CAMK1D: variants seen among roughly 807,000 people sequenced by gnomAD.
CAMK1D encodes calcium/calmodulin-dependent protein kinase type 1D.
A neutral mutation model predicts 47.7 loss-of-function variants in CAMK1D; 9 were observed. The observed-to-expected ratio is 0.19, with a 90% CI of 0.11 to 0.33. The LOEUF (loss-of-function observed/expected upper bound fraction) is 0.33. CAMK1D is among the 10% of genes least tolerant of loss of function. CAMK1D has a pLI of 1.00. For synonymous variants in CAMK1D, 184 were observed against 184.9 expected (o/e 0.99, Z 0.04); for missense variants, 291 against 488.7 (o/e 0.60, Z 3.81).
chr10:12,685,047 C>T (rs574956490), intron 3 of CAMK1D, among the ~76,000 whole-genome samples: 102 of 150,124 alleles, frequency 6.8e-4, no homozygotes, highest in African/African-American at 2.2e-3. Context: ...CGGTGGCTCA[C>T]GCCAACACTT....
At chr10:12,382,956 A>G (rs1482301954) in intron 1 of CAMK1D, among the ~76,000 whole-genome samples, 1 of 143,446 alleles carries the variant, frequency 7.0e-6, no homozygotes. Flanking sequence ...TTTTTTTTGT[A>G]GTTGGCACAT....
intron 1 of CAMK1D, among the ~76,000 whole-genome samples, chr10:12,409,417 G>C (rs965624994): frequency 2.0e-5 from 3 of 152,164 alleles, no homozygotes; most frequent in Non-Finnish European, 2.9e-5. Flanking sequence ...TTCTAGACAG[G>C]GTGGTCAGGA....
intron 2 of CAMK1D, among the ~76,000 whole-genome samples, chr10:12,555,510 T>C (rs1836732424): frequency 6.6e-6 from 1 of 152,224 alleles, no homozygotes; most frequent in African/African-American, 2.4e-5. Context: ...CAGGAAATGA[T>C]TGTATGGAAG....
intron 1 of CAMK1D, among the ~76,000 whole-genome samples, chr10:12,411,681 C>A (rs1205219170): frequency 2.0e-5 from 3 of 150,646 alleles, no homozygotes; most frequent in African/African-American, 7.4e-5. Flanking sequence ...TCACTGCAAC[C>A]TTCACCTTCT....
chr10:12,388,512 G>T (rs2131885832), intron 1 of CAMK1D, among the ~76,000 whole-genome samples: 1 of 152,296 alleles, frequency 6.6e-6, no homozygotes, highest in South Asian at 2.1e-4. Context: ...ACGCTGGTGT[G>T]CCTTCTTGGC....
intron 2 of CAMK1D, among the ~76,000 whole-genome samples, chr10:12,564,123 C>T (rs923408964): frequency 1.3e-5 from 1 of 78,428 alleles, no homozygotes; most frequent in Non-Finnish European, 2.7e-5. Context: ...CTAGATGTCT[C>T]TCTCTCTCTC....
chr10:12,587,428 G>A (rs1284830195), intron 2 of CAMK1D, among the ~76,000 whole-genome samples: 1 of 152,076 alleles, frequency 6.6e-6, no homozygotes, highest in Non-Finnish European at 1.5e-5. Context: ...TGGATCCACA[G>A]TGACTTAGCA....
At chr10:12,512,394 TTTATTA>T (rs1835065844) in intron 1 of CAMK1D, among the ~76,000 whole-genome samples, 1 of 152,050 alleles carries the variant, frequency 6.6e-6, no homozygotes, top group African/African-American at 2.4e-5. Flanking sequence ...TGCTTTACTG[TTTATTA>T]TTATTATTTT....
chr10:12,420,966 T>C (rs1272819045), intron 1 of CAMK1D, among the ~76,000 whole-genome samples: 1 of 152,088 alleles, frequency 6.6e-6, no homozygotes, highest in Non-Finnish European at 1.5e-5. Context: ...GAGAGACAGG[T>C]GTATTGCTTT....
intron 3 of CAMK1D, among the ~76,000 whole-genome samples, chr10:12,718,661 T>C (rs1245252840): frequency 2.0e-5 from 3 of 152,238 alleles, no homozygotes; most frequent in Non-Finnish European, 4.4e-5. Context: ...TTTTTGTTTC[T>C]TCGTTTAATG....
rs145219379 is a variant in CAMK1D at position 12,668,145 on chromosome 10, A to C, written c.299+1335A>C. On this transcript the variant is annotated intron_variant, in intron 3 of 10. Coordinates refer to ENST00000619168, the MANE Select transcript of CAMK1D (RefSeq NM_153498.4). ...CGTATTTCTGGTTTTTCCTAGAGAG[A>C]GCTAGTTCTCCCCAAATTTGGGAGC... 5.5e-3 allele frequency among the ~76,000 whole-genome samples: 833 copies of C among 152,174 alleles called. 7 individuals carry two copies. Among genetic ancestry groups the C allele is most frequent in the Middle Eastern group, 0.034 (10 of 294 alleles).
chr10:12,602,917 T>TTATTATTATTATTATTAC (rs1170588165), intron 2 of CAMK1D, among the ~76,000 whole-genome samples: 1 of 148,404 alleles, frequency 6.7e-6, no homozygotes, highest in Non-Finnish European at 1.5e-5. Context: ...ATTATTATTA[T>TTATTATTATTATTATTAC]TATTATTTTG....
At chr10:12,815,093 C>T (rs1287736079) in intron 7 of CAMK1D, among the ~76,000 whole-genome samples, 6 of 152,302 alleles carry the variant, frequency 3.9e-5, no homozygotes, top group Admixed American at 6.5e-5. Context: ...ACGAGGAAAC[C>T]GAGGCCCCAG....
chr10:12,831,753 G>C lies in CAMK1D; in HGVS notation c.*2866G>C. On this transcript the variant is annotated 3_prime_UTR_variant, in exon 11 of 11. Transcript: ENST00000619168. ...GCCTGTACTGTCCTGATCCCACCAG[G>C]CTTGGGTTAATTTCCTATTGCTTCA... The C allele has an allele frequency of 6.6e-6, 1 of 152,242 alleles. No homozygotes were observed. The highest frequency in any genetic ancestry group is 1.9e-4 in the East Asian group (1 of 5,208). 9.4% of individuals were successfully genotyped at this position (152,242 alleles called of 1,614,324 possible).
chr10:12,471,984 A>G (rs750360543), intron 1 of CAMK1D, among the ~76,000 whole-genome samples: 3 of 150,732 alleles, frequency 2.0e-5, no homozygotes, highest in Admixed American at 1.3e-4. Context: ...GCATTCAGCT[A>G]TGATTGCACC....
intron 1 of CAMK1D, among the ~76,000 whole-genome samples, chr10:12,543,429 A>G (rs1310981395): frequency 1.3e-5 from 2 of 152,172 alleles, no homozygotes; most frequent in Admixed American, 1.3e-4. Flanking sequence ...TGGGATAGAA[A>G]CAGATTCTCA....
At chr10:12,551,319 A>G (rs1476389372) in intron 1 of CAMK1D, among the ~76,000 whole-genome samples, 1 of 152,200 alleles carries the variant, frequency 6.6e-6, no homozygotes, top group Non-Finnish European at 1.5e-5. Flanking sequence ...TGAGAATCTA[A>G]TGCCTGATGA....
intron 5 of CAMK1D, among the ~76,000 whole-genome samples, chr10:12,789,583 A>T (rs1837887813): frequency 6.6e-6 from 1 of 152,264 alleles, no homozygotes; most frequent in Non-Finnish European, 1.5e-5. Context: ...GACCCAGTTC[A>T]TGGCAGACAA....
rs1007079183 is a variant in CAMK1D at position 12,349,654 on chromosome 10, G to A, written c.-165G>A. The stretch of plus-strand genomic sequence containing the variant: ...GAAATAAGAGCCAGGGAGGGACCGC[G>A]GCCGCGGCGGCGGCGGCGAGAGCGA... On this transcript the variant is annotated 5_prime_UTR_variant, in exon 1 of 11. Transcript: ENST00000619168. 6.3e-6 allele frequency: 1 copy of A among 159,174 alleles called. No homozygotes were observed. Among genetic ancestry groups the A allele is most frequent in the African/African-American group, 2.4e-5 (1 of 41,198 alleles). The allele number at this position is 159,174 out of a possible 1,614,324, so 9.9% of individuals were successfully genotyped here.
Sources: gnomAD v4.1 joint callset for allele counts (sites outside exome capture counted in the v4.1 genomes callset) on GRCh38, gnomAD v4.1.1 for gene constraint, MANE v1.5 for transcripts, NCBI Gene and HGNC (gene_info 2026-07-23, HGNC 2026-07-21) for gene names.